The following SLIT3 variants were observed in gnomAD, a reference collection of about 807,000 sequenced individuals.
SLIT3 encodes slit homolog 3 protein.
SLIT3 carries 68 observed loss-of-function variants against 184.0 expected under a neutral mutation model. The observed-to-expected ratio is 0.37, with a 90% CI of 0.30 to 0.45. SLIT3 has a LOEUF of 0.45. Among genes scored for constraint, SLIT3 ranks in the 20% least tolerant of loss-of-function variants. The pLI, the probability that SLIT3 is intolerant of heterozygous loss-of-function variation, is 1.00. For synonymous variants in SLIT3, 831 were observed against 828.6 expected (o/e 1.00, Z -0.05); for missense variants, 1,707 against 2,026.0 (o/e 0.84, Z 3.02).
At chr5:168,812,889 A>T (rs12521314) in intron 8 of SLIT3, among the ~76,000 whole-genome samples, 3,269 of 109,304 alleles carry the variant, frequency 0.03, 71 homozygotes, top group Admixed American at 0.082. Flanking sequence ...GTCCCAAATT[A>T]AAAAAAAAAA....
chr5:168,919,341 A>T (rs1047688487), intron 4 of SLIT3, among the ~76,000 whole-genome samples: 3 of 152,096 alleles, frequency 2.0e-5, no homozygotes, highest in African/African-American at 7.2e-5. Context: ...TACTAGAAAC[A>T]ATTTAAATCT....
chr5:169,111,217 T>C (rs1268459909), intron 4 of SLIT3, among the ~76,000 whole-genome samples: 1 of 152,164 alleles, frequency 6.6e-6, no homozygotes, highest in Admixed American at 6.5e-5. Flanking sequence ...GGCACTGTGA[T>C]TGGCCATATG....
At chr5:169,247,903 C>T (rs529907142) in intron 2 of SLIT3, among the ~76,000 whole-genome samples, 23 of 152,296 alleles carry the variant, frequency 1.5e-4, no homozygotes, top group East Asian at 3.9e-4. Context: ...GGATTACAGG[C>T]GTGAGCCACC....
intron 4 of SLIT3, among the ~76,000 whole-genome samples, chr5:168,926,716 AGAAGACTTGGATAGACTTTTCTACGAAG>A (rs142868896): frequency 0.3 from 28,680 of 96,692 alleles, 2,987 homozygotes; most frequent in East Asian, 0.43. Context: ...TTTTCTACGA[AGAAGACTTGGATAGACTTTTCTACGAAG>A]AAGACATACA....
At chr5:169,241,117 C>G (rs552178419) in intron 3 of SLIT3, among the ~76,000 whole-genome samples, 1 of 152,218 alleles carries the variant, frequency 6.6e-6, no homozygotes, top group East Asian at 1.9e-4. Context: ...GCAGCTGTCT[C>G]AAAGAATATC....
At chr5:169,289,146 G>T (rs1311024358) in intron 1 of SLIT3, among the ~76,000 whole-genome samples, 3 of 152,176 alleles carry the variant, frequency 2.0e-5, no homozygotes, top group Admixed American at 6.5e-5. Context: ...TACTCAGACA[G>T]GTCGGGCAGT....
In SLIT3 at chr5:169,093,325, C is replaced by T. The variant is rs1465470489; in HGVS notation, c.413+100154G>A. Among the ~76,000 whole-genome samples the T allele has an allele frequency of 2.0e-5, 3 of 152,160 alleles. No homozygotes were observed. In the East Asian group the frequency reaches 5.8e-4, roughly 29 times the overall value. ...TAGGTTAAAGAAAACCCTCTTCTCC[C>T]AAAAGGTCCAGCAAAATTCTGGAAC... is the stretch of plus-strand genomic sequence containing the variant. On this transcript the variant is annotated intron_variant, in intron 4 of 35. Transcript: ENST00000519560.
chr5:169,154,479 A>G (rs1438561844), intron 4 of SLIT3, among the ~76,000 whole-genome samples: 1 of 152,256 alleles, frequency 6.6e-6, no homozygotes, highest in Non-Finnish European at 1.5e-5. Context: ...CCTGCCTGGC[A>G]GACACATCTC....
intron 4 of SLIT3, among the ~76,000 whole-genome samples, chr5:169,071,062 C>T (rs993949403): frequency 6.6e-6 from 1 of 152,142 alleles, no homozygotes; most frequent in African/African-American, 2.4e-5. Context: ...TCAGTTTTCC[C>T]ATCTGTAAAA....
intron 11 of SLIT3, among the ~76,000 whole-genome samples, chr5:168,788,140 G>A (rs182610004): frequency 1.4e-4 from 21 of 152,136 alleles, no homozygotes; most frequent in African/African-American, 4.8e-4. Context: ...CTGGCTGAGG[G>A]AAACCAGACA....
At chr5:168,707,819 G>T in intron 26 of SLIT3, 157 bp downstream of exon 26, 1 of 816,988 alleles carries the variant, frequency 1.2e-6, no homozygotes, top group Non-Finnish European at 1.9e-6. Context: ...CAGTGTTACT[G>T]GCAAATGCTG....
chr5:169,259,415 A>C (rs1488076833), intron 1 of SLIT3, among the ~76,000 whole-genome samples: 2 of 152,338 alleles, frequency 1.3e-5, no homozygotes, highest in South Asian at 2.1e-4. Flanking sequence ...CACGGGCTAC[A>C]ACAGGTAGGG....
chr5:168,919,170 G>A (rs765974097), intron 4 of SLIT3, among the ~76,000 whole-genome samples: 1 of 151,052 alleles, frequency 6.6e-6, no homozygotes, highest in Non-Finnish European at 1.5e-5. Context: ...TGAGGCAAGA[G>A]AATGGCGTGA....
At chr5:168,926,908 T>C (rs777217520) in intron 4 of SLIT3, among the ~76,000 whole-genome samples, 3 of 152,154 alleles carry the variant, frequency 2.0e-5, no homozygotes, top group Non-Finnish European at 4.4e-5. Flanking sequence ...ATTAAAATCT[T>C]TATGCACTGT....
At chr5:169,123,000 A>G (rs1250899297) in intron 4 of SLIT3, among the ~76,000 whole-genome samples, 2 of 152,200 alleles carry the variant, frequency 1.3e-5, no homozygotes, top group Non-Finnish European at 2.9e-5. Context: ...CAATATGGTG[A>G]TTATGAAATG....
At chr5:168,673,782 A>G (rs1761326852) in intron 32 of SLIT3, among the ~76,000 whole-genome samples, 1 of 152,170 alleles carries the variant, frequency 6.6e-6, no homozygotes, top group South Asian at 2.1e-4. Context: ...CCTTTACAGC[A>G]TTTATTTCCT....
At chr5:169,081,121 G>A (rs1471990125) in intron 4 of SLIT3, among the ~76,000 whole-genome samples, 2 of 152,168 alleles carry the variant, frequency 1.3e-5, no homozygotes, top group Non-Finnish European at 2.9e-5. Context: ...GCACAATCAC[G>A]AAAGGCCTGG....
Position 168,685,828 on chromosome 5 carries a change from C to A in SLIT3, c.3414G>T (p.Gln1138His). The change falls in exon 31 of 36, where the codon CAG becomes CAT. Residue 1138 changes from glutamine to histidine, a missense_variant. Coordinates refer to ENST00000519560, the MANE Select transcript of SLIT3 (RefSeq NM_003062.4). ...CQNGAQCIVV[Q>H]QEPTCRCPPG... The stretch of plus-strand genomic sequence containing the variant: ...GTGGGCAGCGGCAGGTGGGCTCCTG[C>A]TGCACCACGATGCACTGGGCCCCGT... 6.2e-7 allele frequency: 1 copy of A among 1,613,884 alleles called. No individual in the cohort carries two copies. The highest frequency in any genetic ancestry group is 8.5e-7 in the Non-Finnish European group (1 of 1,179,996).
chr5:168,932,073 A>G (rs1355307169), intron 4 of SLIT3, among the ~76,000 whole-genome samples: 1 of 152,114 alleles, frequency 6.6e-6, no homozygotes, highest in African/African-American at 2.4e-5. Context: ...GATTAAGACC[A>G]TGCTTTATCA....
Sources: gnomAD v4.1 joint callset for allele counts (sites outside exome capture counted in the v4.1 genomes callset) on GRCh38, gnomAD v4.1.1 for gene constraint, MANE v1.5 for transcripts, NCBI Gene and HGNC (gene_info 2026-07-23, HGNC 2026-07-21) for gene names.